Variants in ZBBX observed in about 807,000 individuals in gnomAD.
ZBBX encodes zinc finger B-box domain-containing protein 1.
Under a neutral mutation model 108.5 loss-of-function variants are expected in ZBBX, and 101 were observed. The observed-to-expected ratio is 0.93, with a 90% confidence interval of 0.79 to 1.10. The LOEUF is 1.10. Ranked by LOEUF, ZBBX falls within the 50% of genes least tolerant of loss-of-function variation. ZBBX has a pLI of 0.00. For missense variants in ZBBX, 1,009 were observed against 941.4 expected, an observed-to-expected ratio of 1.07 and a Z score of -0.94; for synonymous variants, 356 against 323.4, an observed-to-expected ratio of 1.10 and a Z score of -1.08.
At chr3:167,202,769 T>C in the ZBBX span, among the ~76,000 whole-genome samples, 2 of 152,274 alleles carry the variant, frequency 1.3e-5, no homozygotes, top group Admixed American at 6.5e-5. Flanking sequence ...AGGTAAAACC[T>C]GTTTTACCAC....
intron 20 of ZBBX, among the ~76,000 whole-genome samples, chr3:167,274,753 C>T (rs1432507938): frequency 1.3e-5 from 2 of 152,204 alleles, no homozygotes; most frequent in Admixed American, 6.5e-5. Context: ...CTCACGTCCC[C>T]CTCCTTTCCA....
intron 17 of ZBBX, among the ~76,000 whole-genome samples, chr3:167,302,828 C>T (rs1408420670): frequency 6.6e-6 from 1 of 152,214 alleles, no homozygotes; most frequent in Non-Finnish European, 1.5e-5. Context: ...GACATCTGCA[C>T]ATACCCTGAG....
chr3:167,289,775 C>G (rs1269063086), intron 18 of ZBBX, among the ~76,000 whole-genome samples: 3 of 152,084 alleles, frequency 2.0e-5, no homozygotes, highest in African/African-American at 7.2e-5. Context: ...AGCCAGGGAG[C>G]CAAGTGGTCT....
At chr3:167,312,080 A>T (rs1734690093) in intron 16 of ZBBX, among the ~76,000 whole-genome samples, 1 of 152,208 alleles carries the variant, frequency 6.6e-6, no homozygotes, top group South Asian at 2.1e-4. Context: ...GTACATTCAT[A>T]CAATTGAATA....
intron 1 of ZBBX, among the ~76,000 whole-genome samples, chr3:167,395,739 C>T (rs1285378327): frequency 6.6e-6 from 1 of 151,938 alleles, no homozygotes; most frequent in Admixed American, 6.6e-5. Flanking sequence ...GCTGAGGGTT[C>T]CCTTCAATTT....
intron 10 of ZBBX, among the ~76,000 whole-genome samples, chr3:167,329,114 G>A (rs557477418): frequency 7.2e-5 from 11 of 152,306 alleles, no homozygotes; most frequent in Middle Eastern, 3.4e-3. Flanking sequence ...ATTAATGATG[G>A]TTGTGGAGAG....
chr3:167,235,526 GAATA>G (rs1720198117), downstream of ZBBX, among the ~76,000 whole-genome samples: 1 of 150,262 alleles, frequency 6.7e-6, no homozygotes, highest in South Asian at 2.1e-4. Flanking sequence ...ATAAAAATGT[GAATA>G]TATATATATA....
rs1458688051 is a variant in ZBBX, at chr3:167,243,926, A to G, written c.2255-1283T>C. Among the ~76,000 whole-genome samples the G allele has an allele frequency of 1.3e-5, 2 of 152,030 alleles. 1 individual carries two copies. Among genetic ancestry groups the G allele is most frequent in the African/African-American group, 4.8e-5 (2 of 41,396 alleles). On this transcript the variant is annotated intron_variant, in intron 20 of 21. Transcript: ENST00000675490. ...CCCCTTGACTTTGAAATCATGATGC[A>G]TGGGTACGTTCAATAAGCTTAGGAT...
intron 4 of ZBBX, among the ~76,000 whole-genome samples, chr3:167,371,481 A>G (rs768550902): frequency 6.6e-6 from 1 of 152,084 alleles, no homozygotes; most frequent in African/African-American, 2.4e-5. Context: ...GCTTCATTCT[A>G]TATTGTCAGT....
chr3:167,374,631 AG>A (rs755333964), intron 2 of ZBBX, among the ~76,000 whole-genome samples: 29 of 152,142 alleles, frequency 1.9e-4, no homozygotes, highest in Non-Finnish European at 3.8e-4. Flanking sequence ...ATGTGCTGAG[AG>A]GTATGGAGAG....
intron 20 of ZBBX, among the ~76,000 whole-genome samples, chr3:167,263,356 A>T (rs1347865469): frequency 6.6e-6 from 1 of 152,114 alleles, no homozygotes; most frequent in Non-Finnish European, 1.5e-5. Context: ...TATTTCATGT[A>T]GGCACATATT....
Position 167,365,980 on chromosome 3 carries a change from T to A in ZBBX, c.183-4A>T. ...TTTCCAGTAATACTCGCTTGACCTT[T>A]AATATATATAAACAAGATAAAATGT... On this transcript the variant is annotated splice_polypyrimidine_tract_variant and splice_region_variant and intron_variant, in intron 5 of 21. Coordinates refer to ENST00000675490, the MANE Select transcript of ZBBX (RefSeq NM_001199201.2). The A allele has an allele frequency of 6.3e-7, 1 of 1,590,686 alleles. No individual in the cohort carries two copies. The highest frequency in any genetic ancestry group is 1.1e-5 in the South Asian group (1 of 89,528).
At chr3:167,255,779 C>T (rs1723399740) in intron 20 of ZBBX, among the ~76,000 whole-genome samples, 3 of 152,064 alleles carry the variant, frequency 2.0e-5, no homozygotes, top group Admixed American at 2.0e-4. Flanking sequence ...CACATCTCCC[C>T]AGGCATTACG....
chr3:167,404,457 T>C (rs1748520305), intron 1 of ZBBX, among the ~76,000 whole-genome samples: 1 of 152,084 alleles, frequency 6.6e-6, no homozygotes, highest in African/African-American at 2.4e-5. Context: ...ACAATGAGTA[T>C]TGTCAGAGAA....
At chr3:167,224,897 T>G in the ZBBX span, among the ~76,000 whole-genome samples, 5 of 151,984 alleles carry the variant, frequency 3.3e-5, no homozygotes, top group Non-Finnish European at 5.9e-5. Context: ...CCCCTTCTTT[T>G]TACCACCAGA....
intron 20 of ZBBX, 31 bp downstream of exon 20, chr3:167,282,207 T>C: frequency 6.3e-7 from 1 of 1,580,890 alleles, no homozygotes. Context: ...TTAATTAGCA[T>C]TATCTAAAGT....
chr3:167,374,735 A>G (rs1460467965), intron 2 of ZBBX, among the ~76,000 whole-genome samples: 1 of 152,230 alleles, frequency 6.6e-6, no homozygotes, highest in East Asian at 1.9e-4. Context: ...CCATAAAACA[A>G]GGTAAAAATT....
the ZBBX span, among the ~76,000 whole-genome samples, chr3:167,201,712 T>C: frequency 3.3e-4 from 51 of 152,268 alleles, no homozygotes; most frequent in African/African-American, 1.1e-3. Flanking sequence ...CTCCAGGAGA[T>C]GCAGATTGCT....
chr3:167,299,986 T>C (rs1333164484), intron 17 of ZBBX, among the ~76,000 whole-genome samples: 3 of 152,182 alleles, frequency 2.0e-5, no homozygotes, highest in African/African-American at 7.2e-5. Context: ...TCAAATTCTC[T>C]TGTGATCCAA....
Sources: gnomAD v4.1 joint callset for allele counts (sites outside exome capture counted in the v4.1 genomes callset) on GRCh38, gnomAD v4.1.1 for gene constraint, MANE v1.5 for transcripts, NCBI Gene and HGNC (gene_info 2026-07-23, HGNC 2026-07-21) for gene names.